VRK1: variants seen among roughly 807,000 people sequenced by gnomAD.
The protein encoded by VRK1 is serine/threonine-protein kinase VRK1.
In VRK1, 33 loss-of-function variants were observed where a neutral mutation model predicts 57.1. The observed-to-expected ratio is 0.58, with a 90% CI of 0.44 to 0.77. The LOEUF (loss-of-function observed/expected upper bound fraction) is 0.77. Among genes scored for constraint, VRK1 ranks in the 30% least tolerant of loss-of-function variants. The pLI, the probability that VRK1 is intolerant of heterozygous loss-of-function variation, is 0.00. For synonymous variants in VRK1, 137 were observed against 147.8 expected (o/e 0.93, Z 0.53); for missense variants, 413 against 477.3 (o/e 0.87, Z 1.25).
At chr14:96,820,670 A>T (rs769076505) in intron 1 of VRK1, among the ~76,000 whole-genome samples, 5 of 152,376 alleles carry the variant, frequency 3.3e-5, no homozygotes, top group Non-Finnish European at 5.9e-5. Flanking sequence ...GCCAAAAAAC[A>T]TAAAGTGAGA....
At chr14:96,804,635 G>GTGCTGTATATTCTGATT (rs1885798320) in intron 1 of VRK1, among the ~76,000 whole-genome samples, 1 of 152,172 alleles carries the variant, frequency 6.6e-6, no homozygotes, top group Admixed American at 6.5e-5. Flanking sequence ...TATTAGGAAG[G>GTGCTGTATATTCTGATT]TGCTGTATAT....
At chr14:96,807,526 G>A (rs531212674) in intron 1 of VRK1, among the ~76,000 whole-genome samples, 4 of 152,282 alleles carry the variant, frequency 2.6e-5, no homozygotes, top group African/African-American at 4.8e-5. Flanking sequence ...GGCTTGATAC[G>A]TGAGAAATAG....
intron 1 of VRK1, among the ~76,000 whole-genome samples, chr14:96,808,114 G>C (rs901538041): frequency 1.3e-5 from 2 of 151,846 alleles, no homozygotes; most frequent in Non-Finnish European, 2.9e-5. Context: ...TTAAGAGGCA[G>C]CTGGGCAGAA....
At position 96,853,127 on chromosome 14, in the gene VRK1, G is replaced by A. The variant is rs1888016926; in HGVS notation, c.537G>A (p.Lys179=). Residue 179 remains lysine, a synonymous_variant, in exon 7 of 13, where the codon AAG becomes AAA. Coordinates refer to ENST00000216639, the MANE Select transcript of VRK1 (RefSeq NM_003384.3). ...HEHEYVHGDI[K]ASNLLLNYKN... is the part of the protein sequence containing the mutation. ...ATGAGTATGTGCATGGAGATATCAA[G>A]GCCTCAAATCTTCTTCTGAACTACA... is the stretch of plus-strand genomic sequence containing the variant. The A allele has an allele frequency of 3.1e-6, 5 of 1,613,776 alleles. No homozygotes were observed. The highest frequency in any genetic ancestry group is 2.7e-5 in the African/African-American group (2 of 75,022).
intron 10 of VRK1, among the ~76,000 whole-genome samples, chr14:96,857,952 A>T (rs12434466): frequency 6.6e-6 from 1 of 152,148 alleles, no homozygotes; most frequent in East Asian, 1.9e-4. Flanking sequence ...TGAATGAAAT[A>T]TGTAACAATT....
In VRK1 at chr14:96,849,995, G is replaced by A. The variant is rs116002313; in HGVS notation, c.374+2651G>A. ...AACTTCCCTGGTGTGGATCAGAAGT[G>A]CCTTAGAGTGTGGTGACAAATGAGA... On this transcript the variant is annotated intron_variant, in intron 5 of 12. Coordinates refer to ENST00000216639, the MANE Select transcript of VRK1 (RefSeq NM_003384.3). Among the ~76,000 whole-genome samples, 801 of 152,266 alleles carry A rather than the reference G, an allele frequency of 5.3e-3. 8 individuals are homozygous for A. Among genetic ancestry groups the A allele is most frequent in the African/African-American group, 0.018 (750 of 41,536 alleles).
intron 1 of VRK1, among the ~76,000 whole-genome samples, chr14:96,828,495 A>G (rs894223814): frequency 1.3e-5 from 2 of 152,224 alleles, no homozygotes; most frequent in Admixed American, 1.3e-4. Flanking sequence ...TAATATTGAT[A>G]CTTAAACAGA....
chr14:96,804,284 C>T (rs1293564599), intron 1 of VRK1, among the ~76,000 whole-genome samples: 1 of 152,166 alleles, frequency 6.6e-6, no homozygotes, highest in Non-Finnish European at 1.5e-5. Flanking sequence ...TCTACCCTTT[C>T]TCCATTCAAT....
At chr14:96,852,985 A>T (rs373737505) in intron 6 of VRK1, 46 bp downstream of exon 6, 1 of 1,605,848 alleles carries the variant, frequency 6.2e-7, no homozygotes, top group African/African-American at 1.3e-5. Flanking sequence ...TGTTTTGAGT[A>T]CAGTAAAGGC....
At chr14:96,814,533 T>G (rs1886321032) in intron 1 of VRK1, among the ~76,000 whole-genome samples, 2 of 152,080 alleles carry the variant, frequency 1.3e-5, no homozygotes, top group African/African-American at 4.8e-5. Flanking sequence ...CACACAATAA[T>G]AAATTTAGAC....
At chr14:96,852,331 C>G (rs144633928) in intron 5 of VRK1, among the ~76,000 whole-genome samples, 2 of 152,140 alleles carry the variant, frequency 1.3e-5, no homozygotes, top group Admixed American at 6.5e-5. Flanking sequence ...AATCCTTTTA[C>G]GCCATTTAAA....
intron 1 of VRK1, among the ~76,000 whole-genome samples, chr14:96,812,235 C>T (rs1365378745): frequency 6.6e-6 from 1 of 152,186 alleles, no homozygotes; most frequent in Non-Finnish European, 1.5e-5. Flanking sequence ...ATTAGTGCTG[C>T]TATGGACATT....
rs1457128666 is a variant in VRK1, at chr14:96,876,062, A to G, written c.1101A>G (p.Glu367=). 1.2e-6 allele frequency: 2 copies of G among 1,613,510 alleles called. No individual in the cohort carries two copies. Among genetic ancestry groups the G allele is most frequent in the Non-Finnish European group, 1.7e-6 (2 of 1,179,674 alleles). Residue 367 remains glutamate, a synonymous_variant, in exon 12 of 13, where the codon GAA becomes GAG. Transcript: ENST00000216639. ...KRKKEIEESK[E]PGVEDTEWSN... is the part of the protein sequence containing the mutation. ...AGAAAGAAATTGAAGAAAGCAAGGA[A>G]CCTGGTGTTGAAGATACGGAATGGT...
At chr14:96,862,897 C>T (rs530845124) in intron 11 of VRK1, among the ~76,000 whole-genome samples, 13 of 152,214 alleles carry the variant, frequency 8.5e-5, no homozygotes, top group African/African-American at 3.1e-4. Flanking sequence ...ATATATCAGA[C>T]TCAGATCTCT....
rs1595695150 is a variant in VRK1, at chr14:96,881,292, T to G, written c.*84T>G. On this transcript the variant is annotated 3_prime_UTR_variant, in exon 13 of 13. Coordinates refer to ENST00000216639, the MANE Select transcript of VRK1 (RefSeq NM_003384.3). ...TTCTATTTGAACTGTTTTATTTTCC[T>G]GTGAGTCTTGCGAGGTGGAAGTAAT... The G allele has an allele frequency of 7.7e-7, 1 of 1,295,612 alleles. No homozygotes were observed. The highest frequency in any genetic ancestry group is 1.1e-6 in the Non-Finnish European group (1 of 921,072). The allele number at this position is 1,295,612 out of a possible 1,614,324, so 80.3% of individuals were successfully genotyped here. A position where few individuals can be genotyped will look rare whatever the true frequency, so the allele number is the denominator to read the frequency against.
chr14:96,866,299 T>A (rs1888582770), intron 11 of VRK1, among the ~76,000 whole-genome samples: 1 of 152,144 alleles, frequency 6.6e-6, no homozygotes, highest in Non-Finnish European at 1.5e-5. Flanking sequence ...TGGGGGTGGA[T>A]CTGATGAGCC....
chr14:96,862,834 CCT>C (rs1888443662), intron 11 of VRK1, among the ~76,000 whole-genome samples: 1 of 151,934 alleles, frequency 6.6e-6, no homozygotes, highest in Admixed American at 6.6e-5. Context: ...ACATTTGTTT[CCT>C]CTCTTTTCGT....
chr14:96,818,890 G>T (rs777221311), intron 1 of VRK1, among the ~76,000 whole-genome samples: 19 of 152,160 alleles, frequency 1.2e-4, no homozygotes, highest in Admixed American at 5.2e-4. Flanking sequence ...AGGACCCTCT[G>T]TGTCACTGGG....
rs1006889782 is a variant in VRK1, at chr14:96,836,816, A to G, written c.161-946A>G. Among the ~76,000 whole-genome samples, 11 of 152,062 alleles carry G rather than the reference A, an allele frequency of 7.2e-5. No homozygotes were observed. The East Asian group carries it at 2.1e-3, about 29-fold the overall frequency. On this transcript the variant is annotated intron_variant, in intron 2 of 12. Coordinates refer to ENST00000216639, the MANE Select transcript of VRK1 (RefSeq NM_003384.3). ...AGTGCTGGGATTACAAGTGTGAGCC[A>G]TTGTGCTCAGTCCAGATCAGGGTCT...
Sources: gnomAD v4.1 joint callset for allele counts (sites outside exome capture counted in the v4.1 genomes callset) on GRCh38, gnomAD v4.1.1 for gene constraint, MANE v1.5 for transcripts, NCBI Gene and HGNC (gene_info 2026-07-23, HGNC 2026-07-21) for gene names.